Variants in PPP3CA observed in about 807,000 individuals in gnomAD.
PPP3CA encodes protein phosphatase 3 catalytic subunit alpha.
A neutral mutation model predicts 66.5 loss-of-function variants in PPP3CA; 14 were observed. The ratio of observed to expected loss-of-function variants is 0.21; its 90% confidence interval spans 0.14 to 0.33. The LOEUF (loss-of-function observed/expected upper bound fraction) is 0.33, where lower values mean the gene tolerates loss of function less well. Ranked by LOEUF, PPP3CA falls within the 10% of genes least tolerant of loss-of-function variation. The pLI is 1.00. For missense variants in PPP3CA, 317 were observed against 639.5 expected, an observed-to-expected ratio of 0.50 and a Z score of 5.44; for synonymous variants, 232 against 226.2, an observed-to-expected ratio of 1.03 and a Z score of -0.23.
At chr4:101,216,038 GA>G (rs751835379) in intron 1 of PPP3CA, among the ~76,000 whole-genome samples, 4 of 152,082 alleles carry the variant, frequency 2.6e-5, no homozygotes, top group Non-Finnish European at 2.9e-5. Context: ...AATTAAAAGA[GA>G]AAGTCCCTAA....
At chr4:101,151,655 T>TTG (rs1241168202) in intron 2 of PPP3CA, among the ~76,000 whole-genome samples, 1 of 116,988 alleles carries the variant, frequency 8.5e-6, no homozygotes, top group African/African-American at 3.1e-5. Flanking sequence ...AGGTTTCCTT[T>TTG]TTTTTTTTTT....
At chr4:101,058,916 A>C (rs1728342296) in intron 10 of PPP3CA, among the ~76,000 whole-genome samples, 1 of 152,188 alleles carries the variant, frequency 6.6e-6, no homozygotes, top group South Asian at 2.1e-4. Flanking sequence ...GTAGGTCTAC[A>C]CATTCTTATT....
At chr4:101,340,659 A>T (rs1053237760) in intron 1 of PPP3CA, among the ~76,000 whole-genome samples, 4 of 152,218 alleles carry the variant, frequency 2.6e-5, no homozygotes, top group African/African-American at 9.6e-5. Flanking sequence ...AATGCTGAAA[A>T]TGTCAAGAGT....
chr4:101,172,293 G>A (rs928202969), intron 2 of PPP3CA, among the ~76,000 whole-genome samples: 5 of 151,998 alleles, frequency 3.3e-5, no homozygotes, highest in Admixed American at 6.6e-5. Flanking sequence ...TTCTATCTGC[G>A]GCCTTAGACA....
chr4:101,285,698 C>T (rs1425621633), intron 1 of PPP3CA, among the ~76,000 whole-genome samples: 1 of 149,574 alleles, frequency 6.7e-6, no homozygotes, highest in African/African-American at 2.5e-5. Flanking sequence ...CTCAGGGAAA[C>T]ACCTCTCCCA....
intron 6 of PPP3CA, among the ~76,000 whole-genome samples, chr4:101,088,763 A>T (rs1729784649): frequency 6.6e-6 from 1 of 152,096 alleles, no homozygotes; most frequent in Non-Finnish European, 1.5e-5. Context: ...TGAAATTGGA[A>T]GCAGAGAGCT....
At chr4:101,184,892 G>C (rs1213400684) in intron 2 of PPP3CA, among the ~76,000 whole-genome samples, 3 of 152,104 alleles carry the variant, frequency 2.0e-5, no homozygotes, top group Non-Finnish European at 4.4e-5. Flanking sequence ...AGGGCTTATG[G>C]CTGCACACTG....
intron 1 of PPP3CA, among the ~76,000 whole-genome samples, chr4:101,199,297 G>A (rs13112866): frequency 0.44 from 67,239 of 152,024 alleles, 17,664 homozygotes; most frequent in Middle Eastern, 0.64. Flanking sequence ...AAGTTGCTAC[G>A]CTTAATACAA....
At chr4:101,063,180 C>A in intron 9 of PPP3CA, 52 bp downstream of exon 9, 1 of 1,579,478 alleles carries the variant, frequency 6.3e-7, no homozygotes, top group Non-Finnish European at 8.6e-7. Flanking sequence ...AATCTCCTTT[C>A]CTTCCTTCCT....
intron 1 of PPP3CA, among the ~76,000 whole-genome samples, chr4:101,216,346 A>G (rs1022138289): frequency 5.9e-5 from 9 of 152,146 alleles, no homozygotes; most frequent in African/African-American, 2.2e-4. Context: ...GTGATAACAA[A>G]TGACCATAAT....
rs145201106 is a variant in PPP3CA, at chr4:101,050,006, T to C, written c.1157-9440A>G. Among the ~76,000 whole-genome samples the C allele has an allele frequency of 1.5e-3, 223 of 152,094 alleles. 1 individual carries two copies. The highest frequency in any genetic ancestry group is 4.7e-3 in the African/African-American group (197 of 41,522). ...CGGTGTTTTGTTACTTCGTGGGAGA[T>C]GTAGTAAAGTTTTGCCCAAGAAGGA... On this transcript the variant is annotated intron_variant, in intron 10 of 13. Transcript: ENST00000394854.
chr4:101,341,647 G>C (rs1289696147), intron 1 of PPP3CA, among the ~76,000 whole-genome samples: 1 of 152,208 alleles, frequency 6.6e-6, no homozygotes, highest in Non-Finnish European at 1.5e-5. Context: ...CAAGTTGACA[G>C]TGGATACAAT....
intron 2 of PPP3CA, among the ~76,000 whole-genome samples, chr4:101,176,225 T>C (rs1387650157): frequency 6.6e-6 from 1 of 152,178 alleles, no homozygotes; most frequent in Non-Finnish European, 1.5e-5. Flanking sequence ...TACAGGGTTT[T>C]TGTGAGTAGA....
chr4:101,033,738 A>ATTCT (rs1470859801), intron 11 of PPP3CA, among the ~76,000 whole-genome samples: 2 of 152,196 alleles, frequency 1.3e-5, no homozygotes, highest in Non-Finnish European at 2.9e-5. Context: ...ATTTTAGAAC[A>ATTCT]TTCTCATTAC....
chr4:101,228,597 A>G (rs979690623), intron 1 of PPP3CA, among the ~76,000 whole-genome samples: 46 of 151,550 alleles, frequency 3.0e-4, no homozygotes, highest in Admixed American at 2.4e-3. Flanking sequence ...ATATTTAGGG[A>G]AAAAAAATCT....
chr4:101,122,956 G>C (rs1197465228), intron 2 of PPP3CA, among the ~76,000 whole-genome samples: 1 of 152,122 alleles, frequency 6.6e-6, no homozygotes, highest in Non-Finnish European at 1.5e-5. Flanking sequence ...AGTGTGAAAA[G>C]ATAAAAGGGG....
At chr4:101,170,777 T>C (rs1206030610) in intron 2 of PPP3CA, among the ~76,000 whole-genome samples, 1 of 152,172 alleles carries the variant, frequency 6.6e-6, no homozygotes, top group East Asian at 1.9e-4. Context: ...TTAATCATTC[T>C]TATCTGTTCC....
intron 1 of PPP3CA, among the ~76,000 whole-genome samples, chr4:101,297,945 C>T (rs1399400375): frequency 6.6e-6 from 1 of 152,022 alleles, no homozygotes; most frequent in Non-Finnish European, 1.5e-5. Context: ...AGTGAGGGCA[C>T]ATTATTGATG....
intron 1 of PPP3CA, among the ~76,000 whole-genome samples, chr4:101,247,785 G>A (rs1339181022): frequency 6.6e-6 from 1 of 152,044 alleles, no homozygotes; most frequent in Non-Finnish European, 1.5e-5. Flanking sequence ...CAATACTGAA[G>A]AACACAATAA....
Sources: gnomAD v4.1 joint callset for allele counts (sites outside exome capture counted in the v4.1 genomes callset) on GRCh38, gnomAD v4.1.1 for gene constraint, MANE v1.5 for transcripts, NCBI Gene and HGNC (gene_info 2026-07-23, HGNC 2026-07-21) for gene names.